Variants in RAB8B observed in about 807,000 individuals in gnomAD.
RAB8B encodes RAB8B, member RAS oncogene family.
RAB8B carries 11 observed loss-of-function variants against 32.0 expected under a neutral mutation model. The observed-to-expected ratio is 0.34, with a 90% CI of 0.22 to 0.57. RAB8B has a LOEUF of 0.57. RAB8B is among the 20% of genes least tolerant of loss of function. RAB8B has a pLI of 0.86. For missense variants in RAB8B, 190 were observed against 258.5 expected (o/e 0.73, Z 1.82); for synonymous variants, 103 against 89.6 (o/e 1.15, Z -0.85).
At position 63,259,341 on chromosome 15, in the gene RAB8B, G is replaced by A. The variant is rs1054838032; in HGVS notation, c.415-286G>A. Among the ~76,000 whole-genome samples the A allele has an allele frequency of 2.0e-4, 31 of 151,936 alleles. No individual in the cohort carries two copies. The highest frequency in any genetic ancestry group is 4.0e-4 in the Non-Finnish European group (27 of 67,954). ...TCATCATGTTAGCAAGGAGGGTCTCGATCTCCTGACCTCGTGATCCGTCTG... is the reference window on the plus strand; with the variant it reads ...TCATCATGTTAGCAAGGAGGGTCTCAATCTCCTGACCTCGTGATCCGTCTG... On this transcript the variant is annotated intron_variant, in intron 5 of 7. Transcript: ENST00000321437. The surrounding 1 kb of genome is among the most constrained non-coding windows in gnomAD (Gnocchi z 4.4).
chr15:63,247,074 G>A (rs1658887721), intron 2 of RAB8B, among the ~76,000 whole-genome samples: 1 of 152,130 alleles, frequency 6.6e-6, no homozygotes. Flanking sequence ...CTGGAGGCTG[G>A]GAAACCCAAG....
chr15:63,215,465 T>C (rs986240118), intron 1 of RAB8B, among the ~76,000 whole-genome samples: 4 of 152,242 alleles, frequency 2.6e-5, no homozygotes, highest in African/African-American at 7.2e-5. Flanking sequence ...GTTAACGCTG[T>C]ATCTTTGTCA....
At chr15:63,223,573 C>T (rs759146592) in intron 1 of RAB8B, among the ~76,000 whole-genome samples, 1 of 152,162 alleles carries the variant, frequency 6.6e-6, no homozygotes, top group African/African-American at 2.4e-5. Flanking sequence ...GGCTATACTA[C>T]GTAGACTAGG....
intron 1 of RAB8B, among the ~76,000 whole-genome samples, chr15:63,240,535 A>G (rs910938118): frequency 2.0e-5 from 3 of 152,078 alleles, no homozygotes; most frequent in Admixed American, 6.5e-5. Flanking sequence ...CTTTTCAATG[A>G]ATTTTTACCT....
At chr15:63,254,162 C>T (rs2038141350) in intron 3 of RAB8B, among the ~76,000 whole-genome samples, 1 of 152,126 alleles carries the variant, frequency 6.6e-6, no homozygotes, top group Non-Finnish European at 1.5e-5. Context: ...TGCTATTTGC[C>T]AGGTACCTGG....
chr15:63,259,717 G>C lies in RAB8B; in HGVS notation c.480+25G>C. On this transcript the variant is annotated intron_variant, in intron 6 of 7. Transcript: ENST00000321437. The surrounding 1 kb of genome is among the most constrained non-coding windows in gnomAD (Gnocchi z 4.4). Reference sequence around the variant, plus strand: ...GGTAAGAAGGAAACGTTTGGTGACTGTTACGGAGCAGCACCAGTGCTTAGG... The same window carrying C: ...GGTAAGAAGGAAACGTTTGGTGACTCTTACGGAGCAGCACCAGTGCTTAGG... 1.2e-6 allele frequency: 2 copies of C among 1,600,718 alleles called. No homozygotes were observed. Among genetic ancestry groups the C allele is most frequent in the Non-Finnish European group, 1.7e-6 (2 of 1,167,916 alleles).
intron 5 of RAB8B, among the ~76,000 whole-genome samples, chr15:63,258,277 T>A (rs1007223683): frequency 1.3e-5 from 2 of 151,966 alleles, no homozygotes; most frequent in Non-Finnish European, 2.9e-5. Context: ...AATTTTTGTA[T>A]TTTTAGTACA....
chr15:63,216,952 A>G (rs759975308), intron 1 of RAB8B, among the ~76,000 whole-genome samples: 4 of 151,968 alleles, frequency 2.6e-5, no homozygotes, highest in Non-Finnish European at 5.9e-5. Context: ...TTGCTAACAC[A>G]CTGGGGGACT....
At chr15:63,258,761 T>C (rs1389320311) in intron 5 of RAB8B, among the ~76,000 whole-genome samples, 1 of 152,146 alleles carries the variant, frequency 6.6e-6, no homozygotes, top group African/African-American at 2.4e-5. Flanking sequence ...ACCAGTTTGA[T>C]TGGTTGCAGA....
chr15:63,206,571 T>C (rs184008693), intron 1 of RAB8B, among the ~76,000 whole-genome samples: 4 of 152,298 alleles, frequency 2.6e-5, no homozygotes, highest in African/African-American at 9.6e-5. Context: ...GTTGGTATGC[T>C]TGATGTAATA....
chr15:63,201,415 A>C (rs1052065107), intron 1 of RAB8B, among the ~76,000 whole-genome samples: 1 of 152,182 alleles, frequency 6.6e-6, no homozygotes. Flanking sequence ...CCTGCCCTCC[A>C]GAGAGATAGC....
At chr15:63,239,676 G>A (rs2038015800) in intron 1 of RAB8B, among the ~76,000 whole-genome samples, 1 of 152,094 alleles carries the variant, frequency 6.6e-6, no homozygotes, top group African/African-American at 2.4e-5. Context: ...CCAAAGTGCT[G>A]GGATTACAGG....
chr15:63,227,954 CT>C (rs2037902926), intron 1 of RAB8B, among the ~76,000 whole-genome samples: 1 of 149,300 alleles, frequency 6.7e-6, no homozygotes, highest in Non-Finnish European at 1.5e-5. Flanking sequence ...TCTTCCTTTT[CT>C]CTTTCCTTTT....
chr15:63,216,809 G>T (rs1595738183), intron 1 of RAB8B, among the ~76,000 whole-genome samples: 3 of 149,834 alleles, frequency 2.0e-5, no homozygotes, highest in Admixed American at 2.0e-4. Flanking sequence ...GCAGTGAGCT[G>T]AGATCATGCC....
chr15:63,245,525 C>G (rs763389018), intron 2 of RAB8B, among the ~76,000 whole-genome samples: 4 of 152,032 alleles, frequency 2.6e-5, no homozygotes, highest in Admixed American at 6.6e-5. Context: ...TGTCCTATAC[C>G]TTTTTTTTAA....
chr15:63,244,926 C>T, intron 2 of RAB8B, 110 bp downstream of exon 2: 2 of 913,808 alleles, frequency 2.2e-6, no homozygotes, highest in South Asian at 3.3e-5. Flanking sequence ...AACATCTTTT[C>T]TTTATCGGAA....
intron 1 of RAB8B, among the ~76,000 whole-genome samples, chr15:63,195,905 G>T (rs1443893594): frequency 6.6e-6 from 1 of 152,190 alleles, no homozygotes; most frequent in African/African-American, 2.4e-5. Context: ...TTCAAGGTAA[G>T]ATTGTAGATT....
chr15:63,252,422 C>T (rs1393747540), intron 3 of RAB8B, among the ~76,000 whole-genome samples: 1 of 152,126 alleles, frequency 6.6e-6, no homozygotes, highest in East Asian at 1.9e-4. Flanking sequence ...CAGGATCTCC[C>T]ATTTAATATG....
chr15:63,259,150 C>T lies in RAB8B; in HGVS notation c.415-477C>T, dbSNP rs893226752. Reference sequence around the variant, plus strand: ...ATTTATTTATTTTGAGACAGAGTCTCGCTCTGTCACCTGGACTGGAGTGCA... The same window carrying T: ...ATTTATTTATTTTGAGACAGAGTCTTGCTCTGTCACCTGGACTGGAGTGCA... On this transcript the variant is annotated intron_variant, in intron 5 of 7. Transcript: ENST00000321437. This position sits in a 1 kb window ranked among gnomAD's most constrained non-coding sequence, Gnocchi z 4.4. Among the ~76,000 whole-genome samples the T allele has an allele frequency of 2.0e-5, 3 of 152,078 alleles. No homozygotes were observed. Among genetic ancestry groups the T allele is most frequent in the African/African-American group, 4.8e-5 (2 of 41,422 alleles).
Sources: gnomAD v4.1 joint callset for allele counts (sites outside exome capture counted in the v4.1 genomes callset) on GRCh38, gnomAD v4.1.1 for gene constraint, Gnocchi (gnomAD v3.1) non-coding constraint, MANE v1.5 for transcripts, NCBI Gene and HGNC (gene_info 2026-07-23, HGNC 2026-07-21) for gene names.